The following ANKRD36 variants were observed in gnomAD, a reference collection of about 807,000 sequenced individuals.
ANKRD36 encodes ankyrin repeat domain 36, also known as ankyrin repeat domain-containing protein 36A.
In ANKRD36, 179 loss-of-function variants were observed where a neutral mutation model predicts 278.1. The observed-to-expected ratio is 0.64, with a 90% CI of 0.57 to 0.73. The LOEUF (loss-of-function observed/expected upper bound fraction) is 0.73, where lower values mean the gene tolerates loss of function less well. Among genes scored for constraint, ANKRD36 ranks in the 30% least tolerant of loss-of-function variants. The pLI, the probability that ANKRD36 is intolerant of heterozygous loss-of-function variation, is 0.00. For missense variants in ANKRD36, 1,159 were observed against 1,956.7 expected (o/e 0.59, Z 7.69); for synonymous variants, 320 against 641.1 (o/e 0.50, Z 7.57).
intron 56 of ANKRD36, among the ~76,000 whole-genome samples, chr2:97,210,372 A>G (rs1173598679): frequency 6.6e-6 from 1 of 151,760 alleles, no homozygotes; most frequent in Non-Finnish European, 1.5e-5. Flanking sequence ...CTTTTATATA[A>G]TTTTGGGGTT....
chr2:97,183,673 T>C lies in ANKRD36; in HGVS notation c.1939+19T>C. ...GGAACAGGTAATTTGGCAATACACA[T>C]TTAATGTCATGTGCACTCAAGACAG... On this transcript the variant is annotated intron_variant, in intron 28 of 75. Transcript: ENST00000420699. 3 of 1,560,526 alleles carry C rather than the reference T, an allele frequency of 1.9e-6. No homozygotes were observed. The highest frequency in any genetic ancestry group is 2.7e-5 in the African/African-American group (2 of 73,400).
intron 44 of ANKRD36, among the ~76,000 whole-genome samples, chr2:97,199,214 T>A (rs1296028525): frequency 1.3e-5 from 2 of 151,880 alleles, no homozygotes; most frequent in African/African-American, 4.8e-5. Flanking sequence ...GCATTGGGAA[T>A]ATTTCCATAA....
intron 12 of ANKRD36, among the ~76,000 whole-genome samples, chr2:97,149,593 G>A (rs371740539): frequency 9.3e-5 from 14 of 151,266 alleles, no homozygotes; most frequent in East Asian, 7.9e-4. Context: ...AAAAAAAATT[G>A]CTGGAAAATA....
At chr2:97,178,136 T>C (rs1338828442) in intron 22 of ANKRD36, among the ~76,000 whole-genome samples, 2 of 150,784 alleles carry the variant, frequency 1.3e-5, no homozygotes, top group African/African-American at 2.4e-5. Context: ...AGATACCATC[T>C]CACACCAGTT....
rs3878995 is a variant in ANKRD36, at chr2:97,127,112, T to A, written c.777T>A (p.Asp259Glu). The change falls in exon 6 of 76, where the codon GAT becomes GAA. Residue 259 changes from aspartate (D) to glutamate (E), a missense_variant. Transcript: ENST00000420699. ...IYEYERKRYE[D>E]LPINSNPVSS... ...AATACGAAAGAAAGAGATATGAAGA[T>A]CTTCCTATAAATAGCAATCCAGGTA... The A allele has an allele frequency of 6.1e-6, 8 of 1,312,918 alleles. No individual in the cohort carries two copies. The African/African-American group carries it at 1.0e-4, about 17-fold the overall frequency. The allele number at this position is 1,312,918 out of a possible 1,614,324, so 81.3% of individuals were successfully genotyped here.
At chr2:97,213,843 A>G (rs1243064140) in intron 60 of ANKRD36, among the ~76,000 whole-genome samples, 2 of 151,828 alleles carry the variant, frequency 1.3e-5, no homozygotes, top group Admixed American at 6.6e-5. Context: ...AAGAAGAAAT[A>G]TGGAGAGCAG....
At chr2:97,256,337 A>C (rs1443978483) in intron 75 of ANKRD36, among the ~76,000 whole-genome samples, 1 of 152,214 alleles carries the variant, frequency 6.6e-6, no homozygotes, top group Non-Finnish European at 1.5e-5. Flanking sequence ...ACCCTGGGCA[A>C]CAAAAGCAAA....
At chr2:97,144,267 T>G (rs2043669543) in intron 8 of ANKRD36, among the ~76,000 whole-genome samples, 1 of 152,240 alleles carries the variant, frequency 6.6e-6, no homozygotes, top group Admixed American at 6.5e-5. Flanking sequence ...AGACACTGTT[T>G]TATTGTAGTA....
Position 97,193,231 on chromosome 2 carries a change from T to C in ANKRD36, c.2449+178T>C, listed in dbSNP as rs1428974103. Among the ~76,000 whole-genome samples the C allele has an allele frequency of 4.2e-5, 6 of 144,354 alleles. 1 individual carries two copies. The South Asian group carries it at 1.3e-3, about 32-fold the overall frequency. The allele number at this position is 144,354 out of a possible 152,430, so 94.7% of individuals were successfully genotyped here. A position where few individuals can be genotyped will look rare whatever the true frequency, so the allele number is the denominator to read the frequency against. ...GATGCTGCTGGTCTGGAACATGATC[T>C]TCGCAGTAAGATTATACACTTCCCC... On this transcript the variant is annotated intron_variant, in intron 38 of 75. Transcript: ENST00000420699.
intron 24 of ANKRD36, among the ~76,000 whole-genome samples, chr2:97,181,372 G>A (rs1205966999): frequency 6.6e-6 from 1 of 151,270 alleles, no homozygotes; most frequent in African/African-American, 2.4e-5. Flanking sequence ...GATGTATCAC[G>A]AATCATACCA....
chr2:97,190,428 ATC>A (rs1199449904), intron 34 of ANKRD36, among the ~76,000 whole-genome samples: 1 of 148,884 alleles, frequency 6.7e-6, no homozygotes, highest in Non-Finnish European at 1.5e-5. Flanking sequence ...TCTACTAGGT[ATC>A]AGCAAACAGA....
chr2:97,173,276 T>C (rs1459025574), intron 22 of ANKRD36, among the ~76,000 whole-genome samples: 1 of 151,274 alleles, frequency 6.6e-6, no homozygotes, highest in Non-Finnish European at 1.5e-5. Flanking sequence ...AATTCTAGTT[T>C]ATTGCTCAGT....
chr2:97,231,739 G>C (rs1398103749), intron 67 of ANKRD36, among the ~76,000 whole-genome samples: 1 of 152,126 alleles, frequency 6.6e-6, no homozygotes, highest in Non-Finnish European at 1.5e-5. Context: ...CTCACGCTGG[G>C]AGCTGTAGAC....
At position 97,144,623 on chromosome 2, in the gene ANKRD36, T is replaced by C; in HGVS notation, c.931-17T>C. 6.5e-7 allele frequency: 1 copy of C among 1,548,664 alleles called. No homozygotes were observed. Among genetic ancestry groups the C allele is most frequent in the African/African-American group, 1.4e-5 (1 of 73,298 alleles). ...TATACTGTAGGTATTGATTATTTTGTTTGAAATCCCACTCAGGATACAAGT... is the reference window on the plus strand; with the variant it reads ...TATACTGTAGGTATTGATTATTTTGCTTGAAATCCCACTCAGGATACAAGT... On this transcript the variant is annotated splice_polypyrimidine_tract_variant and intron_variant, in intron 9 of 75. Transcript: ENST00000420699.
At chr2:97,203,886 G>A (rs1343140893) in intron 48 of ANKRD36, among the ~76,000 whole-genome samples, 182 bp from the exon 49 acceptor site, 2 of 151,826 alleles carry the variant, frequency 1.3e-5, no homozygotes, top group African/African-American at 4.8e-5. Context: ...ATTTCATGGA[G>A]CCTGTATTGC....
At chr2:97,220,761 C>CTTTTTTTTTTTTTTTTTTTTTTT (rs60699692) in intron 66 of ANKRD36, among the ~76,000 whole-genome samples, 1 of 70,604 alleles carries the variant, frequency 1.4e-5, no homozygotes, top group African/African-American at 7.1e-5. Flanking sequence ...TTTTAATTTT[C>CTTTTTTTTTTTTTTTTTTTTTTT]TTTTTTTTTT....
intron 67 of ANKRD36, among the ~76,000 whole-genome samples, chr2:97,230,517 G>A (rs1396462995): frequency 1.3e-5 from 2 of 152,010 alleles, no homozygotes; most frequent in Non-Finnish European, 2.9e-5. Flanking sequence ...CTCTGTATTG[G>A]TTATTCTAGG....
At position 97,181,762 on chromosome 2, in the gene ANKRD36, A is replaced by C. The variant is rs1479296326; in HGVS notation, c.1806A>C (p.Thr602=). The C allele has an allele frequency of 3.1e-6, 5 of 1,609,638 alleles. No homozygotes were observed. Among genetic ancestry groups the C allele is most frequent in the Non-Finnish European group, 4.2e-6 (5 of 1,178,208 alleles). The change falls in exon 26 of 76, where the codon ACA becomes ACC. Residue 602 remains threonine, a synonymous_variant. Coordinates refer to ENST00000420699, the MANE Select transcript of ANKRD36 (RefSeq NM_001354587.1). Reference sequence around the variant, plus strand: ...AAGATTCTGTTTCAAATATAGCCACAGAAATAAAGAAGGGACAACAATCTG... The same window carrying C: ...AAGATTCTGTTTCAAATATAGCCACCGAAATAAAGAAGGGACAACAATCTG... The part of the protein sequence containing the change: ...DEKDSVSNIA[T]EIKKGQQSGT...
intron 24 of ANKRD36, among the ~76,000 whole-genome samples, chr2:97,181,324 A>G (rs1158263409): frequency 6.6e-6 from 1 of 151,554 alleles, no homozygotes; most frequent in African/African-American, 2.4e-5. Context: ...CACTCGGCAT[A>G]TCCACATTGA....
Sources: gnomAD v4.1 joint callset for allele counts (sites outside exome capture counted in the v4.1 genomes callset) on GRCh38, gnomAD v4.1.1 for gene constraint, MANE v1.5 for transcripts, NCBI Gene and HGNC (gene_info 2026-07-23, HGNC 2026-07-21) for gene names.